The following GSTCD variants were observed in gnomAD, a reference collection of about 807,000 sequenced individuals.
GSTCD encodes the protein glutathione S-transferase C-terminal domain-containing protein.
A neutral mutation model predicts 68.3 loss-of-function variants in GSTCD; 44 were observed. The ratio of observed to expected loss-of-function variants is 0.64; its 90% CI spans 0.51 to 0.83. The LOEUF is 0.83. GSTCD is among the 40% of genes least tolerant of loss of function. The pLI, the probability that GSTCD is intolerant of heterozygous loss-of-function variation, is 0.00. For missense variants in GSTCD, 739 were observed against 735.9 expected (o/e 1.00, Z -0.05); for synonymous variants, 273 against 255.2 (o/e 1.07, Z -0.67).
In GSTCD at chr4:105,817,136, A is replaced by T. The variant is rs550626309; in HGVS notation, c.1241-5818A>T. Reference sequence around the variant, plus strand: ...AATACATTTTCTAAGCACAAATATAATGTTTTGTACTAATTAAACAAACTA... The same window carrying T: ...AATACATTTTCTAAGCACAAATATATTGTTTTGTACTAATTAAACAAACTA... On this transcript the variant is annotated intron_variant, in intron 5 of 11. Coordinates refer to ENST00000515279, the MANE Select transcript of GSTCD (RefSeq NM_001370181.1). Among the ~76,000 whole-genome samples, 4 of 151,980 alleles carry T rather than the reference A, an allele frequency of 2.6e-5. No individual in the cohort carries two copies. The South Asian group carries it at 8.3e-4, about 32-fold the overall frequency.
chr4:105,800,458 C>G (rs991639055), intron 5 of GSTCD, among the ~76,000 whole-genome samples: 12 of 152,122 alleles, frequency 7.9e-5, no homozygotes, highest in African/African-American at 2.9e-4. Flanking sequence ...GCAGTTTTGC[C>G]TGATGTCACT....
chr4:105,718,282 G>T (rs538245897), intron 2 of GSTCD, among the ~76,000 whole-genome samples: 1 of 152,146 alleles, frequency 6.6e-6, no homozygotes, highest in Non-Finnish European at 1.5e-5. Context: ...TTTGGGTCGT[G>T]GGGGCAGATG....
intron 5 of GSTCD, among the ~76,000 whole-genome samples, chr4:105,785,838 T>G (rs1735444103): frequency 6.6e-6 from 1 of 152,196 alleles, no homozygotes; most frequent in Non-Finnish European, 1.5e-5. Flanking sequence ...AACATGATCT[T>G]CTATACAGAA....
At chr4:105,800,826 T>C (rs1736079062) in intron 5 of GSTCD, among the ~76,000 whole-genome samples, 1 of 152,178 alleles carries the variant, frequency 6.6e-6, no homozygotes, top group Admixed American at 6.5e-5. Context: ...TGCAAGCCTC[T>C]GGTCCCATTT....
At chr4:105,727,586 T>G (rs183700714) in intron 4 of GSTCD, among the ~76,000 whole-genome samples, 2 of 152,086 alleles carry the variant, frequency 1.3e-5, no homozygotes, top group Non-Finnish European at 2.9e-5. Context: ...AGGTTTTGTT[T>G]AAATTTGTAA....
intron 5 of GSTCD, among the ~76,000 whole-genome samples, chr4:105,744,570 A>T (rs1286812884): frequency 6.6e-5 from 10 of 152,200 alleles, no homozygotes; most frequent in African/African-American, 2.4e-4. Context: ...GTGACTTATA[A>T]TTCAACACTA....
intron 5 of GSTCD, among the ~76,000 whole-genome samples, chr4:105,763,041 C>A (rs1734473099): frequency 1.3e-5 from 2 of 152,140 alleles, no homozygotes; most frequent in South Asian, 4.1e-4. Flanking sequence ...ACATTAGGAA[C>A]CAACATCAAA....
chr4:105,715,027 T>G (rs1184789002), intron 1 of GSTCD, among the ~76,000 whole-genome samples: 1 of 152,192 alleles, frequency 6.6e-6, no homozygotes, highest in African/African-American at 2.4e-5. Flanking sequence ...TTACTATTTT[T>G]TAGACTGTTG....
intron 1 of GSTCD, among the ~76,000 whole-genome samples, chr4:105,710,521 G>T (rs1022630670): frequency 6.6e-6 from 1 of 151,220 alleles, no homozygotes. Flanking sequence ...GAGCCACCGC[G>T]CCCGGCCTGT....
intron 6 of GSTCD, 48 bp downstream of exon 6, chr4:105,823,117 G>A (rs1425287774): frequency 1.3e-6 from 2 of 1,575,690 alleles, no homozygotes; most frequent in Admixed American, 3.4e-5. Context: ...AAGATTATGA[G>A]ACTTTTCTAT....
intron 5 of GSTCD, among the ~76,000 whole-genome samples, chr4:105,735,890 A>T (rs1190788926): frequency 6.6e-6 from 1 of 152,154 alleles, no homozygotes; most frequent in African/African-American, 2.4e-5. Context: ...CTCATATTTT[A>T]AAAATATCGA....
intron 10 of GSTCD, 127 bp downstream of exon 10, chr4:105,838,016 G>T (rs1176482834): frequency 1.0e-5 from 4 of 387,206 alleles, no homozygotes; most frequent in African/African-American, 2.1e-5. Context: ...GTCTAATATG[G>T]GTTTCTTTTT....
At chr4:105,732,536 A>T (rs1733286529) in intron 5 of GSTCD, among the ~76,000 whole-genome samples, 1 of 152,028 alleles carries the variant, frequency 6.6e-6, no homozygotes. Context: ...CGGTGGTGAT[A>T]TCACCTTTAT....
intron 5 of GSTCD, among the ~76,000 whole-genome samples, chr4:105,763,782 G>A (rs1344021632): frequency 6.6e-6 from 1 of 152,024 alleles, no homozygotes; most frequent in African/African-American, 2.4e-5. Context: ...TGAGTTTTCT[G>A]AACACGTTTC....
At chr4:105,719,027 C>A (rs3796926) in intron 2 of GSTCD, 33 bp from the exon 3 acceptor site, 144,600 of 1,470,210 alleles carry the variant, frequency 0.098, 11,017 homozygotes, top group African/African-American at 0.4. Flanking sequence ...ATTAAAAAAT[C>A]TTTTCATTTC....
intron 5 of GSTCD, among the ~76,000 whole-genome samples, chr4:105,809,309 T>C (rs560009988): frequency 2.4e-4 from 36 of 152,202 alleles, no homozygotes; most frequent in African/African-American, 8.2e-4. Context: ...GGTTCAATAC[T>C]ATCTGAGGTT....
chr4:105,765,459 C>G (rs1277779012), intron 5 of GSTCD, among the ~76,000 whole-genome samples: 2 of 152,192 alleles, frequency 1.3e-5, no homozygotes, highest in African/African-American at 4.8e-5. Flanking sequence ...TTTAGAGGTG[C>G]ACCAGTTTCT....
chr4:105,770,456 G>A lies in GSTCD; in HGVS notation c.1240+40957G>A, dbSNP rs146101037. Reference sequence around the variant, plus strand: ...GTTAAATAAGTATACATGTGCCATGGTGGTTTGCTGCACCCATCAATCCGT... The same window carrying A: ...GTTAAATAAGTATACATGTGCCATGATGGTTTGCTGCACCCATCAATCCGT... On this transcript the variant is annotated intron_variant, in intron 5 of 11. Coordinates refer to ENST00000515279, the MANE Select transcript of GSTCD (RefSeq NM_001370181.1). Among the ~76,000 whole-genome samples the A allele has an allele frequency of 2.6e-5, 4 of 151,540 alleles. No individual in the cohort carries two copies. The South Asian group carries it at 8.4e-4, about 32-fold the overall frequency.
intron 5 of GSTCD, among the ~76,000 whole-genome samples, chr4:105,752,489 A>G (rs1339974253): frequency 6.6e-6 from 1 of 152,088 alleles, no homozygotes; most frequent in Non-Finnish European, 1.5e-5. Flanking sequence ...AACAAAATGC[A>G]ATTATTTGAT....
Sources: allele counts gnomAD v4.1 joint callset (sites outside exome capture counted in the v4.1 genomes callset), GRCh38; gene constraint gnomAD v4.1.1; transcripts MANE v1.5; gene names NCBI Gene and HGNC (gene_info 2026-07-23, HGNC 2026-07-21).